SNTG2: variants seen among roughly 807,000 people sequenced by gnomAD.
SNTG2 encodes the protein gamma-2-syntrophin.
In SNTG2, 74 loss-of-function variants were observed where a neutral mutation model predicts 70.9. The observed-to-expected ratio is 1.04, with a 90% confidence interval of 0.86 to 1.27. The LOEUF (loss-of-function observed/expected upper bound fraction) is 1.27, where lower values mean the gene tolerates loss of function less well. SNTG2 is among the 50% of genes most tolerant of loss of function. SNTG2 has a pLI of 0.00. For synonymous variants in SNTG2, 278 were observed against 273.8 expected (o/e 1.02, Z -0.15); for missense variants, 717 against 690.7 (o/e 1.04, Z -0.43).
At position 1,353,427 on chromosome 2, in the gene SNTG2, A is replaced by G. The variant is rs898426029; in HGVS notation, c.1489-13916A>G. On this transcript the variant is annotated intron_variant, in intron 16 of 16. Transcript: ENST00000308624. The surrounding 1 kb of genome is among the most constrained non-coding windows in gnomAD (Gnocchi z 4.2). ...CCTCGTGATTGTTGCATTTCATCCT[A>G]TACTTCTTGGGCTTATTCTAAGACA... 6.6e-6 allele frequency among the ~76,000 whole-genome samples: 1 copy of G among 152,118 alleles called. No individual in the cohort carries two copies. The highest frequency in any genetic ancestry group is 1.5e-5 in the Non-Finnish European group (1 of 68,034).
chr2:1,049,785 C>T (rs935885255), intron 1 of SNTG2, among the ~76,000 whole-genome samples: 6 of 152,234 alleles, frequency 3.9e-5, no homozygotes, highest in African/African-American at 1.4e-4. Flanking sequence ...TCCTGTTGCT[C>T]TACATCTTCA....
chr2:1,153,960 C>G (rs568586988), intron 6 of SNTG2, among the ~76,000 whole-genome samples: 1 of 152,232 alleles, frequency 6.6e-6, no homozygotes, highest in African/African-American at 2.4e-5. Flanking sequence ...AAGATCCAAC[C>G]AAGAGGACTT....
Position 1,239,751 on chromosome 2 carries a change from A to T in SNTG2, c.863A>T (p.Asn288Ile). The T allele has an allele frequency of 6.2e-7, 1 of 1,613,592 alleles. No individual in the cohort carries two copies. Among genetic ancestry groups the T allele is most frequent in the Non-Finnish European group, 8.5e-7 (1 of 1,179,810 alleles). ...ELTLQNMKMA[N>I]KCCSPSDQVV... ...TTCTCTCCACAGATGAAGATGGCGA[A>T]CAAATGCTGCTCTCCTTCCGACCAG... The change falls in exon 11 of 17, where the codon AAC (asparagine) becomes ATC (isoleucine). Residue 288 changes from asparagine to isoleucine, a missense_variant. Physicochemically the swap from Asn to Ile is moderately radical, Grantham distance 149. Coordinates refer to ENST00000308624, the MANE Select transcript of SNTG2 (RefSeq NM_018968.4).
chr2:989,414 C>T (rs1432777701), intron 1 of SNTG2, among the ~76,000 whole-genome samples: 1 of 150,024 alleles, frequency 6.7e-6, no homozygotes, highest in Non-Finnish European at 1.5e-5. Context: ...GTTTTTAATC[C>T]TAAATTGTGT....
chr2:1,082,422 C>T (rs73908689), intron 1 of SNTG2, among the ~76,000 whole-genome samples: 6,752 of 152,224 alleles, frequency 0.044, 484 homozygotes, highest in African/African-American at 0.15. Flanking sequence ...TGCAGAGCTG[C>T]AGGGTCCTAT....
intron 1 of SNTG2, among the ~76,000 whole-genome samples, chr2:1,042,022 A>G (rs1184861885): frequency 6.6e-6 from 1 of 152,200 alleles, no homozygotes; most frequent in Non-Finnish European, 1.5e-5. Context: ...ACATTTACAT[A>G]CACCATTATT....
chr2:1,023,519 A>G (rs771358164), intron 1 of SNTG2, among the ~76,000 whole-genome samples: 3 of 152,200 alleles, frequency 2.0e-5, no homozygotes, highest in Non-Finnish European at 2.9e-5. Flanking sequence ...ATGGAGGAAC[A>G]TAAGTTTTAT....
At chr2:1,166,075 A>G (rs1392199554) in intron 7 of SNTG2, among the ~76,000 whole-genome samples, 1 of 152,220 alleles carries the variant, frequency 6.6e-6, no homozygotes, top group African/African-American at 2.4e-5. Flanking sequence ...ATCCTCTATT[A>G]TACTTGAATT....
intron 14 of SNTG2, among the ~76,000 whole-genome samples, chr2:1,287,422 GCT>G (rs1436705971): frequency 6.6e-6 from 1 of 152,176 alleles, no homozygotes; most frequent in Admixed American, 6.5e-5. Flanking sequence ...CCTCTGTGCT[GCT>G]CTGACTGGTT....
At position 1,087,685 on chromosome 2, in the gene SNTG2, T is replaced by A. The variant is rs1270783869; in HGVS notation, c.210+4030T>A. ...ATTAAGACCATTAAATAACGTATGG[T>A]AATGTACTAATCGAGTCAGTCTCAA... On this transcript the variant is annotated intron_variant, in intron 2 of 16. Coordinates refer to ENST00000308624, the MANE Select transcript of SNTG2 (RefSeq NM_018968.4). 3.9e-5 allele frequency among the ~76,000 whole-genome samples: 6 copies of A among 152,348 alleles called. No homozygotes were observed. In the South Asian group the frequency reaches 1.0e-3, roughly 26 times the overall value.
At chr2:1,171,496 G>C (rs1477523546) in intron 7 of SNTG2, among the ~76,000 whole-genome samples, 1 of 152,182 alleles carries the variant, frequency 6.6e-6, no homozygotes, top group African/African-American at 2.4e-5. Flanking sequence ...ATTTCAAATA[G>C]ATAACAGTGA....
At chr2:1,220,980 G>T (rs1182321757) in intron 9 of SNTG2, among the ~76,000 whole-genome samples, 1 of 152,174 alleles carries the variant, frequency 6.6e-6, no homozygotes, top group Non-Finnish European at 1.5e-5. Flanking sequence ...ATTTTCGGAG[G>T]CACCCTGACA....
chr2:1,129,573 G>A (rs756665412), intron 4 of SNTG2, among the ~76,000 whole-genome samples: 3 of 152,156 alleles, frequency 2.0e-5, no homozygotes, highest in Non-Finnish European at 2.9e-5. Flanking sequence ...GTTTGTGACC[G>A]CATTAATTTA....
chr2:1,329,317 A>T (rs1409836657), intron 16 of SNTG2, among the ~76,000 whole-genome samples: 1 of 152,244 alleles, frequency 6.6e-6, no homozygotes, highest in Non-Finnish European at 1.5e-5. Flanking sequence ...AAAATTTTAA[A>T]CCAAAGGTGT....
chr2:966,370 C>CT (rs1426402854), intron 1 of SNTG2, among the ~76,000 whole-genome samples: 3 of 151,774 alleles, frequency 2.0e-5, no homozygotes, highest in Non-Finnish European at 4.4e-5. Flanking sequence ...TTACTTTTGT[C>CT]TTTTTTTAAC....
intron 14 of SNTG2, 51 bp downstream of exon 14, chr2:1,267,622 G>A: frequency 1.3e-6 from 2 of 1,509,144 alleles, no homozygotes; most frequent in Non-Finnish European, 1.8e-6. Context: ...GGGTGTCTGA[G>A]ACATAGCATT....
intron 9 of SNTG2, among the ~76,000 whole-genome samples, chr2:1,226,177 G>T (rs1005991638): frequency 6.6e-6 from 1 of 152,160 alleles, no homozygotes; most frequent in African/African-American, 2.4e-5. Context: ...GAGATAGCCT[G>T]TTAGGTTATT....
chr2:1,133,326 A>C (rs185832566), intron 4 of SNTG2, among the ~76,000 whole-genome samples: 97 of 152,346 alleles, frequency 6.4e-4, no homozygotes, highest in South Asian at 1.9e-3. Context: ...ATTAATTTTC[A>C]AGAAAACACA....
chr2:1,365,384 A>T (rs561455535), intron 16 of SNTG2, among the ~76,000 whole-genome samples: 1 of 152,366 alleles, frequency 6.6e-6, no homozygotes, highest in Admixed American at 6.5e-5. Context: ...GTAGCTGTCA[A>T]TGTTAAGAGT....
Sources: allele counts gnomAD v4.1 joint callset (sites outside exome capture counted in the v4.1 genomes callset), GRCh38; gene constraint gnomAD v4.1.1; non-coding constraint Gnocchi (gnomAD v3.1); transcripts MANE v1.5; gene names NCBI Gene and HGNC (gene_info 2026-07-23, HGNC 2026-07-21).